MGAT5B: variants seen among roughly 807,000 people sequenced by gnomAD.
MGAT5B encodes the protein N-acetylglucosaminyl-transferase Vb.
Under a neutral mutation model 95.1 loss-of-function variants are expected in MGAT5B, and 54 were observed. The observed-to-expected ratio is 0.57, with a 90% CI of 0.46 to 0.71. The LOEUF is 0.71. MGAT5B is among the 30% of genes least tolerant of loss of function. MGAT5B has a pLI of 0.00. For synonymous variants in MGAT5B, 464 were observed against 451.0 expected, an observed-to-expected ratio of 1.03 and a Z score of -0.36; for missense variants, 935 against 1,088.6, an observed-to-expected ratio of 0.86 and a Z score of 1.99.
At chr17:76,941,325 C>G (rs906039202) in intron 15 of MGAT5B, among the ~76,000 whole-genome samples, 1 of 152,222 alleles carries the variant, frequency 6.6e-6, no homozygotes, top group Non-Finnish European at 1.5e-5. Flanking sequence ...CCCTGGGTCT[C>G]CAGCGAACGT....
At chr17:76,924,647 G>T (rs139965201) in intron 8 of MGAT5B, among the ~76,000 whole-genome samples, 8 of 152,150 alleles carry the variant, frequency 5.3e-5, no homozygotes, top group Admixed American at 2.0e-4. Context: ...TTAGAGAAAG[G>T]CTCCCTCTCT....
intron 3 of MGAT5B, among the ~76,000 whole-genome samples, chr17:76,887,046 A>AAAACAAAAAACAAC: frequency 2.9e-5 from 1 of 34,352 alleles, no homozygotes; most frequent in Non-Finnish European, 4.0e-5. Context: ...TCTGTCTCAC[A>AAAACAAAAAACAAC]AAACAAAAAC....
Position 76,918,977 on chromosome 17 carries a change from GAAAT to G in MGAT5B, c.1026-5985_1026-5982del, listed in dbSNP as rs1969036185. Among the ~76,000 whole-genome samples the G allele has an allele frequency of 6.6e-6, 1 of 152,264 alleles. No individual in the cohort carries two copies. Among genetic ancestry groups the G allele is most frequent in the African/African-American group, 2.4e-5 (1 of 41,474 alleles). On this transcript the variant is annotated intron_variant, in intron 8 of 17. Coordinates refer to ENST00000569840, the MANE Select transcript of MGAT5B (RefSeq NM_001199172.2). The surrounding 1 kb of genome is among the most constrained non-coding windows in gnomAD (Gnocchi z 5.1). ...TAGCCACAGACCAAAGGCACAGAGA[GAAAT>G]AAAACCAGGGAATTTTTAGCTTAGA...
At chr17:76,883,359 T>C (rs1263276062) in intron 3 of MGAT5B, among the ~76,000 whole-genome samples, 3 of 152,226 alleles carry the variant, frequency 2.0e-5, no homozygotes, top group Non-Finnish European at 4.4e-5. Flanking sequence ...GTGGATACTA[T>C]GTACCCCTGG....
chr17:76,944,994 G>T (rs1969990530), intron 15 of MGAT5B, among the ~76,000 whole-genome samples: 1 of 152,192 alleles, frequency 6.6e-6, no homozygotes, highest in South Asian at 2.1e-4. Flanking sequence ...AGGCATGGTG[G>T]GGTGGGGAGG....
At chr17:76,939,439 G>C (rs530471565) in intron 13 of MGAT5B, among the ~76,000 whole-genome samples, 10 of 152,202 alleles carry the variant, frequency 6.6e-5, no homozygotes, top group African/African-American at 2.4e-4. Flanking sequence ...GCTTGAACCC[G>C]GGAGGCAGAG....
intron 12 of MGAT5B, among the ~76,000 whole-genome samples, chr17:76,937,075 C>G (rs985948306): frequency 1.3e-5 from 2 of 150,624 alleles, no homozygotes; most frequent in Non-Finnish European, 2.9e-5. Context: ...TCAAGGATGA[C>G]TCTATTTTAC....
chr17:76,894,529 G>A (rs1967996856), intron 3 of MGAT5B, among the ~76,000 whole-genome samples: 2 of 152,186 alleles, frequency 1.3e-5, no homozygotes, highest in Admixed American at 1.3e-4. Context: ...GCCTCCCTGG[G>A]TGGCTTTATG....
intron 12 of MGAT5B, among the ~76,000 whole-genome samples, chr17:76,936,324 T>C (rs1969671043): frequency 6.6e-6 from 1 of 152,022 alleles, no homozygotes; most frequent in Admixed American, 6.6e-5. Flanking sequence ...AGGAGAATTG[T>C]TTGAACCTGG....
Position 76,905,129 on chromosome 17 carries a change from C to T in MGAT5B, c.691-40C>T. ...GGCCAGCGGGGAATGATGGTGGCCG[C>T]AGGTTGAGGGGCAGAGAGCTGAGGT... On this transcript the variant is annotated intron_variant, in intron 6 of 17. Transcript: ENST00000569840. The surrounding 1 kb of genome is among the most constrained non-coding windows in gnomAD (Gnocchi z 4.2). The T allele has an allele frequency of 1.9e-6, 3 of 1,567,138 alleles. No homozygotes were observed. The highest frequency in any genetic ancestry group is 2.6e-6 in the Non-Finnish European group (3 of 1,150,292).
intron 3 of MGAT5B, among the ~76,000 whole-genome samples, chr17:76,897,075 C>A (rs770324230): frequency 1.2e-4 from 18 of 152,036 alleles, no homozygotes; most frequent in Non-Finnish European, 1.8e-4. Context: ...ACCACCATGC[C>A]CAGCTAATTT....
chr17:76,941,212 G>C (rs78394112), intron 15 of MGAT5B, among the ~76,000 whole-genome samples: 6,889 of 152,358 alleles, frequency 0.045, 234 homozygotes, highest in Non-Finnish European at 0.067. Context: ...AACTGCTGCA[G>C]GTGTGGCTTT....
chr17:76,940,924 C>G lies in MGAT5B; in HGVS notation c.1848+76C>G. On this transcript the variant is annotated intron_variant, in intron 15 of 17. Transcript: ENST00000569840. The surrounding 1 kb of genome is among the most constrained non-coding windows in gnomAD (Gnocchi z 4.3). ...TCTTCACTCTGATTAGAAAACGGTG[C>G]CCCCCTCTGGGTGAGTTCAGACTTG... 3.1e-6 allele frequency: 4 copies of G among 1,304,314 alleles called. No individual in the cohort carries two copies. In the South Asian group the frequency reaches 5.0e-5, roughly 16 times the overall value. 80.8% of individuals were successfully genotyped at this position (1,304,314 alleles called of 1,614,324 possible). A position where few individuals can be genotyped will look rare whatever the true frequency, so the allele number is the denominator to read the frequency against.
chr17:76,917,784 G>A lies in MGAT5B; in HGVS notation c.1026-7182G>A, dbSNP rs2145221711. ...GCACACAGGAGTCACCCGAGGAGCT[G>A]AAAATAATCCCCGACGCCCAGGCCC... On this transcript the variant is annotated intron_variant, in intron 8 of 17. Transcript: ENST00000569840. The surrounding 1 kb of genome is among the most constrained non-coding windows in gnomAD (Gnocchi z 6.1). Among the ~76,000 whole-genome samples the A allele has an allele frequency of 6.6e-6, 1 of 152,322 alleles. No individual in the cohort carries two copies. Among genetic ancestry groups the A allele is most frequent in the East Asian group, 1.9e-4 (1 of 5,184 alleles).
In MGAT5B at chr17:76,930,836, G is replaced by C. The variant is rs2145252264; in HGVS notation, c.1292-1809G>C. Among the ~76,000 whole-genome samples the C allele has an allele frequency of 6.6e-6, 1 of 152,330 alleles. No individual in the cohort carries two copies. Among genetic ancestry groups the C allele is most frequent in the South Asian group, 2.1e-4 (1 of 4,828 alleles). On this transcript the variant is annotated intron_variant, in intron 10 of 17. Coordinates refer to ENST00000569840, the MANE Select transcript of MGAT5B (RefSeq NM_001199172.2). The surrounding 1 kb of genome is among the most constrained non-coding windows in gnomAD (Gnocchi z 4.1). ...GGAGGCACAGTCCACCCAAGAGAAG[G>C]CTTCCAGGAGGAGGTGTCGTGTGAG...
At chr17:76,872,701 G>T in intron 1 of MGAT5B, 150 bp from the exon 2 acceptor site, 1 of 1,545,272 alleles carries the variant, frequency 6.5e-7, no homozygotes. Context: ...GCCCTCCTGG[G>T]TCTGGAGCTC....
chr17:76,880,213 A>G (rs915479772), intron 2 of MGAT5B, among the ~76,000 whole-genome samples: 1 of 151,728 alleles, frequency 6.6e-6, no homozygotes. Flanking sequence ...GCTCCCATTC[A>G]TGCCTGTTCT....
At chr17:76,879,799 C>T (rs1431324846) in intron 2 of MGAT5B, among the ~76,000 whole-genome samples, 1 of 152,110 alleles carries the variant, frequency 6.6e-6, no homozygotes, top group East Asian at 1.9e-4. Context: ...TAAACCGTTG[C>T]CCCCGCCTCT....
At chr17:76,902,451 A>C in intron 3 of MGAT5B, 104 bp from the exon 4 acceptor site, 1 of 775,124 alleles carries the variant, frequency 1.3e-6, no homozygotes, top group East Asian at 2.7e-5. Flanking sequence ...AGCCTGGGGC[A>C]TTGCAGAGCC....
Sources: allele counts gnomAD v4.1 joint callset (sites outside exome capture counted in the v4.1 genomes callset), GRCh38; gene constraint gnomAD v4.1.1; non-coding constraint Gnocchi (gnomAD v3.1); transcripts MANE v1.5; gene names NCBI Gene and HGNC (gene_info 2026-07-23, HGNC 2026-07-21).